ZFAND3: variants seen among roughly 807,000 people sequenced by gnomAD.
ZFAND3 encodes the protein zinc finger AN1-type containing 3, also known as AN1-type zinc finger protein 3.
In ZFAND3, 10 loss-of-function variants were observed where a neutral mutation model predicts 29.6. The ratio of observed to expected loss-of-function variants is 0.34; its 90% CI spans 0.21 to 0.57. The LOEUF (loss-of-function observed/expected upper bound fraction) is 0.57. ZFAND3 is among the 20% of genes least tolerant of loss of function. ZFAND3 has a pLI of 0.86. For missense variants in ZFAND3, 230 were observed against 304.5 expected, an observed-to-expected ratio of 0.76 and a Z score of 1.82; for synonymous variants, 128 against 112.6, an observed-to-expected ratio of 1.14 and a Z score of -0.87.
chr6:37,829,232 TA>T (rs57037823), intron 1 of ZFAND3, among the ~76,000 whole-genome samples: 139 of 144,654 alleles, frequency 9.6e-4, no homozygotes, highest in East Asian at 3.4e-3. Context: ...TTTGTTGCTT[TA>T]AAAAAAAAAA....
At chr6:37,828,775 C>T (rs569982281) in intron 1 of ZFAND3, among the ~76,000 whole-genome samples, 3 of 152,146 alleles carry the variant, frequency 2.0e-5, no homozygotes, top group South Asian at 2.1e-4. Context: ...CTCAGCCTCC[C>T]GAGTAGCTGG....
At chr6:38,104,382 C>T (rs762568625) in intron 4 of ZFAND3, among the ~76,000 whole-genome samples, 2 of 152,122 alleles carry the variant, frequency 1.3e-5, no homozygotes, top group Non-Finnish European at 2.9e-5. Flanking sequence ...TTTGCCTTAT[C>T]TGATAATTAA....
At chr6:37,988,863 G>A (rs908191916) in intron 2 of ZFAND3, among the ~76,000 whole-genome samples, 1 of 151,778 alleles carries the variant, frequency 6.6e-6, no homozygotes, top group Non-Finnish European at 1.5e-5. Context: ...TTGTTCGCAT[G>A]TTTTTTTAAG....
chr6:38,133,558 G>A (rs769654679), intron 5 of ZFAND3, among the ~76,000 whole-genome samples: 8 of 152,046 alleles, frequency 5.3e-5, no homozygotes, highest in Non-Finnish European at 1.2e-4. Flanking sequence ...GACCGTCCTG[G>A]CTAACATGGT....
At chr6:38,103,478 T>TACAC (rs201882945) in intron 4 of ZFAND3, among the ~76,000 whole-genome samples, 2 of 25,988 alleles carry the variant, frequency 7.7e-5, no homozygotes, top group African/African-American at 1.1e-4. Context: ...TGTATATATA[T>TACAC]ACACACATAT....
intron 2 of ZFAND3, among the ~76,000 whole-genome samples, chr6:37,962,857 T>C (rs1470242774): frequency 1.3e-5 from 2 of 152,200 alleles, no homozygotes; most frequent in African/African-American, 2.4e-5. Flanking sequence ...CCGCACTGCC[T>C]TTAAGAGCTG....
intron 2 of ZFAND3, among the ~76,000 whole-genome samples, chr6:37,940,713 AAG>A (rs1194090312): frequency 6.6e-6 from 1 of 152,264 alleles, no homozygotes; most frequent in Non-Finnish European, 1.5e-5. Flanking sequence ...AGGAGCAAGA[AAG>A]AGAGAGTGAC....
At chr6:38,060,331 G>T (rs970609872) in intron 2 of ZFAND3, among the ~76,000 whole-genome samples, 1 of 151,896 alleles carries the variant, frequency 6.6e-6, no homozygotes, top group Non-Finnish European at 1.5e-5. Flanking sequence ...TATTCTGACA[G>T]TACTCTAGCC....
At chr6:37,897,821 T>C (rs761256288) in intron 1 of ZFAND3, among the ~76,000 whole-genome samples, 23 of 152,190 alleles carry the variant, frequency 1.5e-4, no homozygotes, top group Non-Finnish European at 3.2e-4. Flanking sequence ...CCAATTTAAA[T>C]TGGGAATCAA....
At chr6:38,112,229 G>A (rs75366769) in intron 4 of ZFAND3, among the ~76,000 whole-genome samples, 1 of 152,334 alleles carries the variant, frequency 6.6e-6, no homozygotes, top group East Asian at 1.9e-4. Context: ...GAATGGGGGA[G>A]CGGCAGCTCT....
At chr6:37,933,360 T>A (rs1761634060) in intron 2 of ZFAND3, among the ~76,000 whole-genome samples, 1 of 152,126 alleles carries the variant, frequency 6.6e-6, no homozygotes, top group Admixed American at 6.5e-5. Context: ...GAGAATACGT[T>A]GTAGGTTAGG....
At chr6:38,081,295 T>C (rs1298109440) in intron 3 of ZFAND3, among the ~76,000 whole-genome samples, 1 of 152,148 alleles carries the variant, frequency 6.6e-6, no homozygotes. Flanking sequence ...ATCTGTGTCT[T>C]CTTACACTCA....
intron 2 of ZFAND3, among the ~76,000 whole-genome samples, chr6:38,020,971 C>T (rs1333776104): frequency 2.0e-5 from 3 of 152,194 alleles, no homozygotes; most frequent in Non-Finnish European, 4.4e-5. Flanking sequence ...ATTCTGTCAT[C>T]AGCTGGGTCA....
At chr6:37,846,900 A>G (rs1466265922) in intron 1 of ZFAND3, among the ~76,000 whole-genome samples, 6 of 151,666 alleles carry the variant, frequency 4.0e-5, no homozygotes, top group Non-Finnish European at 8.8e-5. Flanking sequence ...TTTAATAGAG[A>G]TGGGGTTTCA....
At chr6:38,066,128 G>C (rs1764342238) in intron 3 of ZFAND3, among the ~76,000 whole-genome samples, 1 of 152,176 alleles carries the variant, frequency 6.6e-6, no homozygotes, top group South Asian at 2.1e-4. Context: ...CCTCACCTAG[G>C]TTGAAAGCAG....
At chr6:37,991,907 G>A (rs1277029010) in intron 2 of ZFAND3, among the ~76,000 whole-genome samples, 1 of 152,030 alleles carries the variant, frequency 6.6e-6, no homozygotes, top group African/African-American at 2.4e-5. Context: ...TTTTGTATTT[G>A]TTCAGGATTC....
At chr6:38,089,045 A>G (rs1045635321) in intron 4 of ZFAND3, among the ~76,000 whole-genome samples, 11 of 152,136 alleles carry the variant, frequency 7.2e-5, no homozygotes, top group East Asian at 1.9e-4. Context: ...CATGAACTAG[A>G]ATAGCTTTGT....
At chr6:37,883,983 G>C (rs1764943874) in intron 1 of ZFAND3, among the ~76,000 whole-genome samples, 1 of 145,330 alleles carries the variant, frequency 6.9e-6, no homozygotes, top group Non-Finnish European at 1.5e-5. Flanking sequence ...AGAAAACTTG[G>C]ATGACCAAGA....
At chr6:38,045,465 A>G (rs190013821) in intron 2 of ZFAND3, among the ~76,000 whole-genome samples, 3 of 152,292 alleles carry the variant, frequency 2.0e-5, no homozygotes, top group Non-Finnish European at 2.9e-5. Flanking sequence ...ATAAAATGAA[A>G]TAAGAATCTA....
Sources: allele counts gnomAD v4.1 joint callset (sites outside exome capture counted in the v4.1 genomes callset), GRCh38; gene constraint gnomAD v4.1.1; transcripts MANE v1.5; gene names NCBI Gene and HGNC (gene_info 2026-07-23, HGNC 2026-07-21).